NOSTRIN: variants seen among roughly 807,000 people sequenced by gnomAD.
The protein encoded by NOSTRIN is BM247 homolog.
In NOSTRIN, 63 loss-of-function variants were observed where a neutral mutation model predicts 59.0. The observed-to-expected ratio is 1.07, with a 90% CI of 0.87 to 1.32. The LOEUF (loss-of-function observed/expected upper bound fraction) is 1.32. Ranked by LOEUF, NOSTRIN falls within the 40% of genes most tolerant of loss-of-function variation. The pLI is 0.00. For synonymous variants in NOSTRIN, 200 were observed against 165.4 expected, an observed-to-expected ratio of 1.21 and a Z score of -1.61; for missense variants, 512 against 473.1, an observed-to-expected ratio of 1.08 and a Z score of -0.76.
At chr2:168,831,962 T>C (rs1285217587) in intron 6 of NOSTRIN, among the ~76,000 whole-genome samples, 1 of 152,234 alleles carries the variant, frequency 6.6e-6, no homozygotes, top group Non-Finnish European at 1.5e-5. Flanking sequence ...ACTGACTACC[T>C]TTCTGTATAA....
At chr2:168,796,828 A>T (rs1027733047), upstream of NOSTRIN, among the ~76,000 whole-genome samples, 2 of 152,082 alleles carry the variant, frequency 1.3e-5, no homozygotes, top group African/African-American at 4.8e-5. Context: ...CTTCTGTCTC[A>T]GTGTTTTGAA....
At chr2:168,843,247 GACAA>G (rs1487932612) in intron 8 of NOSTRIN, 130 bp downstream of exon 8, 11 of 563,622 alleles carry the variant, frequency 2.0e-5, no homozygotes, top group Non-Finnish European at 3.5e-5. Flanking sequence ...TGTGACTTCA[GACAA>G]ACCACATTTC....
chr2:168,804,653 A>G (rs1025622765), intron 1 of NOSTRIN, among the ~76,000 whole-genome samples: 2 of 152,214 alleles, frequency 1.3e-5, no homozygotes, highest in Admixed American at 6.5e-5. Context: ...ATGAGTCCCT[A>G]GAGTTGCACA....
At chr2:168,864,306 A>C (rs1260006450) in intron 15 of NOSTRIN, among the ~76,000 whole-genome samples, 1 of 146,560 alleles carries the variant, frequency 6.8e-6, no homozygotes, top group Non-Finnish European at 1.5e-5. Flanking sequence ...TCTGAGACAG[A>C]GTCTTGCCCT....
intron 3 of NOSTRIN, among the ~76,000 whole-genome samples, chr2:168,826,123 G>A (rs929293098): frequency 4.6e-5 from 7 of 152,122 alleles, no homozygotes; most frequent in African/African-American, 1.7e-4. Context: ...AATTAAATAC[G>A]GTAATATAAG....
upstream of NOSTRIN, among the ~76,000 whole-genome samples, chr2:168,795,908 G>GC (rs1685466734): frequency 6.6e-6 from 1 of 152,060 alleles, no homozygotes; most frequent in Admixed American, 6.6e-5. Context: ...AAGTTGGATA[G>GC]TTTTTTTTCT....
At chr2:168,800,910 T>TTA (rs147074957), upstream of NOSTRIN, among the ~76,000 whole-genome samples, 2 of 137,916 alleles carry the variant, frequency 1.5e-5, no homozygotes, top group Non-Finnish European at 3.1e-5. Flanking sequence ...AAATTTCTTT[T>TTA]AAAAAAAAAA....
intron 7 of NOSTRIN, among the ~76,000 whole-genome samples, chr2:168,835,967 C>G (rs1036734414): frequency 6.6e-6 from 1 of 152,236 alleles, no homozygotes; most frequent in African/African-American, 2.4e-5. Context: ...TCGATATCTT[C>G]TACAAAAGAT....
intron 8 of NOSTRIN, among the ~76,000 whole-genome samples, chr2:168,843,551 G>A (rs1688220919): frequency 6.6e-6 from 1 of 152,122 alleles, no homozygotes; most frequent in African/African-American, 2.4e-5. Flanking sequence ...CTTGAGATGT[G>A]TACATCTCAG....
In NOSTRIN at chr2:168,865,329, G is replaced by C. The variant is rs960956542; in HGVS notation, c.*359G>C. On this transcript the variant is annotated 3_prime_UTR_variant, in exon 16 of 16. Coordinates refer to ENST00000317647, the MANE Select transcript of NOSTRIN (RefSeq NM_001039724.4). ...TGGTAGACAACAGCAGTGGGACTTA[G>C]ATGTCTTTTTCCTCTGGATTTGGGT... is the stretch of plus-strand genomic sequence containing the variant. The C allele has an allele frequency of 5.5e-6, 1 of 182,322 alleles. No individual in the cohort carries two copies. The highest frequency in any genetic ancestry group is 2.4e-5 in the African/African-American group (1 of 42,226). 11.3% of individuals were successfully genotyped at this position (182,322 alleles called of 1,614,324 possible).
upstream of NOSTRIN, chr2:168,800,994 C>G (rs1490964633): frequency 2.6e-5 from 4 of 151,712 alleles, no homozygotes; most frequent in African/African-American, 9.7e-5. Context: ...GTCTTCCCAT[C>G]TCAGCCTCCC....
chr2:168,865,020 T>C lies in NOSTRIN; in HGVS notation c.*50T>C. On this transcript the variant is annotated 3_prime_UTR_variant, in exon 16 of 16. Coordinates refer to ENST00000317647, the MANE Select transcript of NOSTRIN (RefSeq NM_001039724.4). ...TCACACTCGGTAATCAACAATACAG[T>C]GTGGTTCAAATAAGAATAAAGTGCT... 2 of 1,591,604 alleles carry C rather than the reference T, an allele frequency of 1.3e-6. No homozygotes were observed. Among genetic ancestry groups the C allele is most frequent in the Non-Finnish European group, 8.6e-7 (1 of 1,168,132 alleles).
chr2:168,846,191 C>G (rs185001180), intron 8 of NOSTRIN, among the ~76,000 whole-genome samples: 20 of 152,212 alleles, frequency 1.3e-4, no homozygotes, highest in Admixed American at 1.0e-3. Context: ...TTATGGCACT[C>G]AAGTGTCAAA....
intron 10 of NOSTRIN, among the ~76,000 whole-genome samples, chr2:168,852,254 C>T (rs936489535): frequency 2.6e-5 from 4 of 152,040 alleles, no homozygotes; most frequent in African/African-American, 9.7e-5. Flanking sequence ...TTTTCATGGT[C>T]CCTTCTCTTG....
At chr2:168,848,346 C>T (rs1688551486) in intron 8 of NOSTRIN, among the ~76,000 whole-genome samples, 1 of 152,198 alleles carries the variant, frequency 6.6e-6, no homozygotes, top group Non-Finnish European at 1.5e-5. Context: ...CAGCGTAAAC[C>T]AATCCATTTG....
chr2:168,808,159 T>C (rs569483625), intron 1 of NOSTRIN, among the ~76,000 whole-genome samples: 64 of 152,316 alleles, frequency 4.2e-4, no homozygotes, highest in Admixed American at 6.5e-4. Context: ...CCCAAGCACA[T>C]AGAAAAATTC....
At chr2:168,817,696 G>A (rs1403409020) in intron 2 of NOSTRIN, among the ~76,000 whole-genome samples, 2 of 152,202 alleles carry the variant, frequency 1.3e-5, no homozygotes, top group Non-Finnish European at 2.9e-5. Flanking sequence ...CTGGGCCAGA[G>A]TGAGCCGGGG....
intron 1 of NOSTRIN, among the ~76,000 whole-genome samples, chr2:168,804,862 A>G (rs1223955547): frequency 6.6e-6 from 1 of 152,238 alleles, no homozygotes; most frequent in Non-Finnish European, 1.5e-5. Flanking sequence ...TCATATCTGT[A>G]TAGTGTCTGT....
upstream of NOSTRIN, chr2:168,802,537 C>G (rs535623604): frequency 1.3e-6 from 1 of 775,378 alleles, no homozygotes. Context: ...CAAGGACTGA[C>G]GTACTCTAGG....
Sources: allele counts gnomAD v4.1 joint callset (sites outside exome capture counted in the v4.1 genomes callset), GRCh38; gene constraint gnomAD v4.1.1; transcripts MANE v1.5; gene names NCBI Gene and HGNC (gene_info 2026-07-23, HGNC 2026-07-21).